The following YY1AP1 variants were observed in gnomAD, a reference collection of about 807,000 sequenced individuals.
The protein encoded by YY1AP1 is YY1-associated protein 1.
A neutral mutation model predicts 39.9 loss-of-function variants in YY1AP1; 43 were observed. The observed-to-expected ratio is 1.08, with a 90% CI of 0.84 to 1.39. The LOEUF is 1.39. YY1AP1 is among the 40% of genes most tolerant of loss of function. YY1AP1 has a pLI of 0.00. For synonymous variants in YY1AP1, 292 were observed against 331.3 expected, an observed-to-expected ratio of 0.88 and a Z score of 1.29; for missense variants, 813 against 900.7, an observed-to-expected ratio of 0.90 and a Z score of 1.25.
intron 4 of YY1AP1, among the ~76,000 whole-genome samples, chr1:155,677,430 A>G (rs557090865): frequency 3.3e-5 from 5 of 152,156 alleles, no homozygotes; most frequent in Non-Finnish European, 5.9e-5. Flanking sequence ...AGTTCTATGT[A>G]TGATTACTAT....
At chr1:155,680,556 A>G in intron 2 of YY1AP1, 100 bp from the exon 3 acceptor site, 1 of 1,051,588 alleles carries the variant, frequency 9.5e-7, no homozygotes, top group Non-Finnish European at 1.5e-6. Flanking sequence ...AAGGCATCTG[A>G]CGAATTCTTC....
chr1:155,666,052 A>G (rs1052585934), intron 9 of YY1AP1, among the ~76,000 whole-genome samples: 3 of 152,166 alleles, frequency 2.0e-5, no homozygotes, highest in Admixed American at 1.3e-4. Flanking sequence ...CTGGGAAACA[A>G]AATGTTCAGC....
At chr1:155,670,147 A>C (rs1331693345) in intron 8 of YY1AP1, among the ~76,000 whole-genome samples, 173 bp downstream of exon 8, 2 of 152,144 alleles carry the variant, frequency 1.3e-5, no homozygotes, top group East Asian at 3.8e-4. Context: ...ACATCCCCCC[A>C]AAAAGCAGTA....
intron 2 of YY1AP1, among the ~76,000 whole-genome samples, chr1:155,680,816 C>CTTGG (rs1239152672): frequency 6.6e-6 from 1 of 152,210 alleles, no homozygotes; most frequent in Non-Finnish European, 1.5e-5. Context: ...ATCCACCCAC[C>CTTGG]TTGGCTTCCC....
At chr1:155,680,946 GAGAGAATGA>G (rs930816503) in intron 2 of YY1AP1, among the ~76,000 whole-genome samples, 1 of 151,946 alleles carries the variant, frequency 6.6e-6, no homozygotes, top group Non-Finnish European at 1.5e-5. Flanking sequence ...TGGGATATAT[GAGAGAATGA>G]GAGAGAGAGA....
At chr1:155,665,784 CAAAA>C (rs58155011) in intron 9 of YY1AP1, among the ~76,000 whole-genome samples, 2 of 35,044 alleles carry the variant, frequency 5.7e-5, no homozygotes, top group Non-Finnish European at 1.4e-4. Flanking sequence ...CTCTGTGTCT[CAAAA>C]AAAAAAAAAA....
At chr1:155,683,250 T>C (rs1486420002) in intron 2 of YY1AP1, among the ~76,000 whole-genome samples, 2 of 152,204 alleles carry the variant, frequency 1.3e-5, no homozygotes, top group Non-Finnish European at 2.9e-5. Context: ...TCTTGTTTTG[T>C]CCATCACTGT....
intron 6 of YY1AP1, among the ~76,000 whole-genome samples, chr1:155,673,870 T>C (rs932390951): frequency 1.3e-5 from 2 of 151,698 alleles, no homozygotes; most frequent in Non-Finnish European, 1.5e-5. Context: ...AAATTTAAAA[T>C]CTCAAAATAG....
At chr1:155,674,085 C>T (rs1340260896) in intron 6 of YY1AP1, among the ~76,000 whole-genome samples, 3 of 143,850 alleles carry the variant, frequency 2.1e-5, no homozygotes, top group Non-Finnish European at 4.5e-5. Context: ...GGCGTGAACC[C>T]GGGAGGCGGA....
intron 9 of YY1AP1, among the ~76,000 whole-genome samples, chr1:155,665,595 C>G (rs1316350439): frequency 6.6e-6 from 1 of 150,630 alleles, no homozygotes; most frequent in Non-Finnish European, 1.5e-5. Flanking sequence ...AAGCGAGACT[C>G]GGTCTCAAAA....
At chr1:155,688,540 T>TCGGCCGTCCTGCGAGC in intron 1 of YY1AP1, 119 bp downstream of exon 1, 1 of 1,541,764 alleles carries the variant, frequency 6.5e-7, no homozygotes, top group Non-Finnish European at 8.7e-7. Context: ...ACCACCACCT[T>TCGGCCGTCCTGCGAGC]CGGCCGTCCT....
intron 3 of YY1AP1, among the ~76,000 whole-genome samples, chr1:155,680,200 C>T (rs7550827): frequency 0.018 from 2,606 of 147,234 alleles, 88 homozygotes; most frequent in African/African-American, 0.062. Context: ...AAAAAAAAAG[C>T]TTCAAGGAAA....
chr1:155,686,330 A>G (rs1200264215), intron 2 of YY1AP1, among the ~76,000 whole-genome samples: 1 of 152,086 alleles, frequency 6.6e-6, no homozygotes, highest in Non-Finnish European at 1.5e-5. Flanking sequence ...TGCTGGGATT[A>G]CAGGTGTGAG....
At chr1:155,670,675 CTTTTTTT>C in intron 7 of YY1AP1, 1 of 326,000 alleles carries the variant, frequency 3.1e-6, no homozygotes, top group Non-Finnish European at 5.7e-6. Context: ...TAAAAGTTGA[CTTTTTTT>C]TTTTTTTTTT....
In YY1AP1 at chr1:155,684,247, T is replaced by TCAAAAA. The variant is rs974246662; in HGVS notation, c.-20-3797_-20-3792dup. Among the ~76,000 whole-genome samples the TCAAAAA allele has an allele frequency of 1.2e-4, 18 of 151,992 alleles. No individual in the cohort carries two copies. The South Asian group carries it at 1.5e-3, about 12-fold the overall frequency. On this transcript the variant is annotated intron_variant, in intron 2 of 10. Coordinates refer to ENST00000355499, the MANE Select transcript of YY1AP1 (RefSeq NM_139119.3). Reference sequence around the variant, plus strand: ...TGGGCGAGGAGAGCGAAACTCTCTCTCAAAAACAAAAACAAAAACAAAAAA... The same window carrying TCAAAAA: ...TGGGCGAGGAGAGCGAAACTCTCTCTCAAAAACAAAAACAAAAACAAAAACAAAAAA...
rs759270293 is a variant in YY1AP1 at position 155,659,795 on chromosome 1, T to C, written c.2115A>G (p.Thr705=). Residue 705 remains threonine, a synonymous_variant, in exon 11 of 11, where the codon ACA becomes ACG. Coordinates refer to ENST00000355499, the MANE Select transcript of YY1AP1 (RefSeq NM_139119.3). ...NSAYRWTVVK[T]EEGRQALEPL... is the part of the protein sequence containing the mutation. ...GCTCCAGAGCTTGCCTTCCCTCCTCTGTTTTCACAACGGTCCAGCGATAGG... is the reference window on the plus strand; with the variant it reads ...GCTCCAGAGCTTGCCTTCCCTCCTCCGTTTTCACAACGGTCCAGCGATAGG... 1 of 1,614,176 alleles carries C rather than the reference T, an allele frequency of 6.2e-7. No homozygotes were observed. Among genetic ancestry groups the C allele is most frequent in the South Asian group, 1.1e-5 (1 of 91,082 alleles).
chr1:155,684,178 G>A (rs1393537717), intron 2 of YY1AP1, among the ~76,000 whole-genome samples: 2 of 152,130 alleles, frequency 1.3e-5, no homozygotes, highest in African/African-American at 4.8e-5. Flanking sequence ...AACCTGGGAG[G>A]CAGAGGTTGC....
At chr1:155,668,432 G>A (rs1012186640) in intron 9 of YY1AP1, among the ~76,000 whole-genome samples, 195 bp downstream of exon 9, 4 of 152,104 alleles carry the variant, frequency 2.6e-5, no homozygotes, top group African/African-American at 9.7e-5. Context: ...CTTTTAAGAG[G>A]ATGAAGATAC....
At chr1:155,676,793 CA>C (rs1650764651) in intron 4 of YY1AP1, 47 bp from the exon 5 acceptor site, 1 of 1,568,532 alleles carries the variant, frequency 6.4e-7, no homozygotes, top group Non-Finnish European at 8.8e-7. Context: ...CCTAGGTCCA[CA>C]ACACATCCAA....
Sources: allele counts gnomAD v4.1 joint callset (sites outside exome capture counted in the v4.1 genomes callset), GRCh38; gene constraint gnomAD v4.1.1; transcripts MANE v1.5; gene names NCBI Gene and HGNC (gene_info 2026-07-23, HGNC 2026-07-21).